Variants in STT3B observed in about 807,000 individuals in gnomAD.
STT3B encodes STT3 oligosaccharyltransferase complex catalytic subunit B.
In STT3B, 29 loss-of-function variants were observed where a neutral mutation model predicts 96.8. That is an observed-to-expected ratio of 0.30 (90% CI 0.22 to 0.41). The LOEUF is 0.41. Ranked by LOEUF, STT3B falls within the 10% of genes least tolerant of loss-of-function variation. The pLI, the probability that STT3B is intolerant of heterozygous loss-of-function variation, is 1.00. For synonymous variants in STT3B, 367 were observed against 360.0 expected, an observed-to-expected ratio of 1.02 and a Z score of -0.22; for missense variants, 640 against 1,022.3, an observed-to-expected ratio of 0.63 and a Z score of 5.10.
intron 1 of STT3B, among the ~76,000 whole-genome samples, chr3:31,537,818 C>T (rs1397238526): frequency 6.6e-6 from 1 of 152,178 alleles, no homozygotes; most frequent in East Asian, 1.9e-4. Flanking sequence ...AATTTTTATA[C>T]TCTCTATAAG....
intron 3 of STT3B, among the ~76,000 whole-genome samples, chr3:31,585,883 T>C (rs969977545): frequency 6.6e-6 from 1 of 152,140 alleles, no homozygotes; most frequent in African/African-American, 2.4e-5. Context: ...TTTCCAGTTT[T>C]TGGCAATGAT....
chr3:31,606,949 G>A (rs527783738), intron 5 of STT3B, among the ~76,000 whole-genome samples: 1 of 152,336 alleles, frequency 6.6e-6, no homozygotes, highest in Admixed American at 6.5e-5. Context: ...TCTTGTATCA[G>A]CGTGACCTGG....
At chr3:31,627,025 C>T (rs1699552477) in intron 13 of STT3B, among the ~76,000 whole-genome samples, 3 of 152,154 alleles carry the variant, frequency 2.0e-5, no homozygotes, top group African/African-American at 7.2e-5. Context: ...GGAATACCTT[C>T]CCTACCACAG....
At chr3:31,536,740 C>T (rs1468326259) in intron 1 of STT3B, among the ~76,000 whole-genome samples, 2 of 152,176 alleles carry the variant, frequency 1.3e-5, no homozygotes, top group Non-Finnish European at 2.9e-5. Flanking sequence ...AGTAATTCCT[C>T]CCTTATCAGC....
At chr3:31,542,711 C>G (rs1697309864) in intron 1 of STT3B, among the ~76,000 whole-genome samples, 1 of 152,146 alleles carries the variant, frequency 6.6e-6, no homozygotes, top group African/African-American at 2.4e-5. Flanking sequence ...TTTAACGCCT[C>G]TAGTGTATTT....
intron 1 of STT3B, among the ~76,000 whole-genome samples, chr3:31,572,105 T>TATTAATATATAAGTATTA: frequency 1.4e-5 from 2 of 141,682 alleles, no homozygotes; most frequent in African/African-American, 5.2e-5. Context: ...ATATTAAATA[T>TATTAATATATAAGTATTA]ATATATTATA....
intron 1 of STT3B, among the ~76,000 whole-genome samples, chr3:31,567,475 A>C (rs900202193): frequency 6.1e-4 from 93 of 152,252 alleles, no homozygotes; most frequent in African/African-American, 2.2e-3. Flanking sequence ...GGAATGTGGG[A>C]CATGTTTGTC....
intron 5 of STT3B, among the ~76,000 whole-genome samples, chr3:31,612,777 C>CTGTAGTTTCCAAACA (rs1318699959): frequency 5.9e-5 from 9 of 152,164 alleles, no homozygotes; most frequent in African/African-American, 2.2e-4. Flanking sequence ...GAAACTTCAT[C>CTGTAGTTTCCAAACA]TGTAGTTACC....
intron 1 of STT3B, among the ~76,000 whole-genome samples, chr3:31,535,160 T>A (rs896914322): frequency 2.0e-5 from 3 of 152,088 alleles, no homozygotes; most frequent in African/African-American, 7.2e-5. Flanking sequence ...GGGGCTGAAA[T>A]TAAAGATTGC....
chr3:31,569,140 G>A (rs989065902), intron 1 of STT3B, among the ~76,000 whole-genome samples: 1 of 152,094 alleles, frequency 6.6e-6, no homozygotes, highest in African/African-American at 2.4e-5. Flanking sequence ...CTCCTGAGTT[G>A]TTGGACTACA....
chr3:31,563,939 G>A (rs919443524), intron 1 of STT3B, among the ~76,000 whole-genome samples: 1 of 152,132 alleles, frequency 6.6e-6, no homozygotes, highest in Non-Finnish European at 1.5e-5. Context: ...CCGAGTAGCT[G>A]ACTGCAGCAG....
intron 4 of STT3B, among the ~76,000 whole-genome samples, chr3:31,599,257 T>G (rs1698870016): frequency 6.6e-6 from 1 of 152,234 alleles, no homozygotes; most frequent in Non-Finnish European, 1.5e-5. Context: ...TTTTTCTTTT[T>G]AAACAAATGT....
chr3:31,536,980 A>G (rs1042901735), intron 1 of STT3B, among the ~76,000 whole-genome samples: 10 of 152,234 alleles, frequency 6.6e-5, no homozygotes, highest in African/African-American at 2.2e-4. Flanking sequence ...CATAGAAGCA[A>G]TGAAGTTCCC....
chr3:31,630,765 G>C (rs941015693), intron 14 of STT3B, among the ~76,000 whole-genome samples: 2 of 150,918 alleles, frequency 1.3e-5, no homozygotes, highest in East Asian at 3.9e-4. Flanking sequence ...CTCAATTTGT[G>C]AATCAAGTTT....
intron 3 of STT3B, among the ~76,000 whole-genome samples, chr3:31,586,579 A>G (rs1272003109): frequency 1.3e-5 from 2 of 152,104 alleles, no homozygotes; most frequent in Non-Finnish European, 2.9e-5. Context: ...CTGGTGCAAT[A>G]TAAGGGTTGT....
chr3:31,625,153 G>A (rs756129084), intron 12 of STT3B, 68 bp downstream of exon 12: 1 of 1,377,518 alleles, frequency 7.3e-7, no homozygotes, highest in Non-Finnish European at 9.9e-7. Context: ...CTTCACTTGT[G>A]ACTAAATAGG....
intron 1 of STT3B, among the ~76,000 whole-genome samples, chr3:31,544,733 T>C (rs573568947): frequency 1.1e-3 from 169 of 152,248 alleles, no homozygotes; most frequent in Middle Eastern, 3.4e-3. Context: ...GAGGCCGAGA[T>C]AGGCGGATCA....
chr3:31,637,507 T>C lies in STT3B; in HGVS notation c.*1443T>C, dbSNP rs1044426775. On this transcript the variant is annotated 3_prime_UTR_variant, in exon 16 of 16. Transcript: ENST00000295770. The stretch of plus-strand genomic sequence containing the variant: ...TTCACAAATAGAGTGTAACGAAGTC[T>C]GGATTTCTGATACCTTGTCATTTGG... 3 of 152,204 alleles carry C rather than the reference T, an allele frequency of 2.0e-5. No homozygotes were observed. The highest frequency in any genetic ancestry group is 7.2e-5 in the African/African-American group (3 of 41,470). 9.4% of individuals were successfully genotyped at this position (152,204 alleles called of 1,614,324 possible). A position where few individuals can be genotyped will look rare whatever the true frequency, so the allele number is the denominator to read the frequency against.
intron 1 of STT3B, among the ~76,000 whole-genome samples, chr3:31,561,330 G>A (rs545115687): frequency 1.3e-5 from 2 of 151,556 alleles, no homozygotes; most frequent in Admixed American, 6.6e-5. Flanking sequence ...TATGGGATAC[G>A]TGAGATATTT....
Sources: gnomAD v4.1 joint callset for allele counts (sites outside exome capture counted in the v4.1 genomes callset) on GRCh38, gnomAD v4.1.1 for gene constraint, MANE v1.5 for transcripts, NCBI Gene and HGNC (gene_info 2026-07-23, HGNC 2026-07-21) for gene names.